GRAMD1B: variants seen among roughly 807,000 people sequenced by gnomAD.
The protein encoded by GRAMD1B is protein Aster-B.
In GRAMD1B, 37 loss-of-function variants were observed where a neutral mutation model predicts 99.7. That is an observed-to-expected ratio of 0.37 (90% CI 0.29 to 0.49). The LOEUF (loss-of-function observed/expected upper bound fraction) is 0.49. Among genes scored for constraint, GRAMD1B ranks in the 20% least tolerant of loss-of-function variants. GRAMD1B has a pLI of 0.98. For synonymous variants in GRAMD1B, 427 were observed against 387.6 expected (o/e 1.10, Z -1.19); for missense variants, 888 against 1,009.2 (o/e 0.88, Z 1.63).
intron 17 of GRAMD1B, 195 bp from the exon 18 acceptor site, chr11:123,618,498 T>C: frequency 2.3e-6 from 2 of 856,112 alleles, no homozygotes; most frequent in South Asian, 2.7e-5. Context: ...TCCATGGCTC[T>C]CCCCTGTATC....
At chr11:123,387,862 G>A (rs796128082) in intron 1 of GRAMD1B, among the ~76,000 whole-genome samples, 4 of 151,970 alleles carry the variant, frequency 2.6e-5, no homozygotes, top group African/African-American at 7.3e-5. Context: ...GGTGGCTCAC[G>A]CCTGTAATCC....
At chr11:123,374,081 G>A (rs1946616483) in intron 1 of GRAMD1B, among the ~76,000 whole-genome samples, 1 of 152,142 alleles carries the variant, frequency 6.6e-6, no homozygotes, top group Non-Finnish European at 1.5e-5. Flanking sequence ...GGTACCTATG[G>A]TTTGATTATT....
intron 5 of GRAMD1B, among the ~76,000 whole-genome samples, 162 bp downstream of exon 5, chr11:123,594,328 C>T (rs115344793): frequency 0.029 from 4,390 of 152,278 alleles, 106 homozygotes; most frequent in African/African-American, 0.067. Context: ...GGGCTCGAGG[C>T]TGAGTATCAG....
chr11:123,529,351 G>T (rs896041368), intron 2 of GRAMD1B, among the ~76,000 whole-genome samples: 6 of 152,226 alleles, frequency 3.9e-5, no homozygotes, highest in African/African-American at 1.4e-4. Flanking sequence ...TCACACAGCT[G>T]TACCTCATGG....
intron 7 of GRAMD1B, chr11:123,599,220 G>T: frequency 2.6e-6 from 2 of 760,680 alleles, no homozygotes; most frequent in South Asian, 2.7e-5. Flanking sequence ...AAATTCCTTG[G>T]GTCCTGAAAT....
chr11:123,560,562 CCCCGCCCCCGCCCCCCACTG>C, intron 2 of GRAMD1B: 1 of 711,794 alleles, frequency 1.4e-6, no homozygotes, highest in Non-Finnish European at 2.2e-6. Context: ...GGCCCCCGCT[CCCCGCCCCCGCCCCCCACTG>C]CCCAATGCAT....
chr11:123,369,562 T>A (rs1348339197), intron 1 of GRAMD1B, among the ~76,000 whole-genome samples: 1 of 152,096 alleles, frequency 6.6e-6, no homozygotes, highest in African/African-American at 2.4e-5. Flanking sequence ...TCAATTTATT[T>A]AATTTTTGTT....
In GRAMD1B at chr11:123,538,918, C is replaced by T. The variant is rs140483627; in HGVS notation, c.453-38449C>T. 6.0e-3 allele frequency among the ~76,000 whole-genome samples: 911 copies of T among 152,116 alleles called. 14 individuals carry two copies. Among genetic ancestry groups the T allele is most frequent in the African/African-American group, 0.021 (862 of 41,486 alleles). ...TGCCGGGATTACAGGTGTGAGCCAC[C>T]GCGCCCAGTTCTGGACTTTAATATG... is the stretch of plus-strand genomic sequence containing the variant. On this transcript the variant is annotated intron_variant, in intron 2 of 19. Coordinates refer to ENST00000635736, the MANE Select transcript of GRAMD1B (RefSeq NM_001387025.1).
At chr11:123,602,668 G>T (rs1354086097) in intron 8 of GRAMD1B, among the ~76,000 whole-genome samples, 1 of 151,964 alleles carries the variant, frequency 6.6e-6, no homozygotes, top group Non-Finnish European at 1.5e-5. Flanking sequence ...ACATCCCTTT[G>T]CCTCTCTCTG....
chr11:123,404,494 A>T (rs1947785616), intron 1 of GRAMD1B, among the ~76,000 whole-genome samples: 1 of 152,216 alleles, frequency 6.6e-6, no homozygotes, highest in South Asian at 2.1e-4. Flanking sequence ...GTAACTGATC[A>T]ATTGTTGTTT....
intron 2 of GRAMD1B, among the ~76,000 whole-genome samples, chr11:123,519,279 G>A (rs749079728): frequency 6.6e-6 from 1 of 152,246 alleles, no homozygotes; most frequent in Non-Finnish European, 1.5e-5. Context: ...AGTGGCAGAG[G>A]GTGGGGAGAG....
At chr11:123,525,980 T>G (rs1942680973) in intron 2 of GRAMD1B, 4 of 617,874 alleles carry the variant, frequency 6.5e-6, no homozygotes, top group Non-Finnish European at 1.2e-5. Flanking sequence ...GTGGCAGCAG[T>G]TCTTCTGGCT....
Position 123,430,723 on chromosome 11 carries a change from A to G in GRAMD1B, c.-70A>G. 1 of 593,922 alleles carries G rather than the reference A, an allele frequency of 1.7e-6. No individual in the cohort carries two copies. The highest frequency in any genetic ancestry group is 2.0e-5 in the South Asian group (1 of 50,038). 36.8% of individuals were successfully genotyped at this position (593,922 alleles called of 1,614,324 possible). On this transcript the variant is annotated 5_prime_UTR_variant, in exon 1 of 20. Coordinates refer to ENST00000635736, the MANE Select transcript of GRAMD1B (RefSeq NM_001387025.1). ...TGTGCCGCGGGGCCGAGGGTGGGGA[A>G]CAGCCAGAGGGAGACGCGAACCAGG...
chr11:123,481,895 C>T (rs769751030), intron 2 of GRAMD1B, among the ~76,000 whole-genome samples: 4 of 152,194 alleles, frequency 2.6e-5, no homozygotes, highest in Middle Eastern at 3.4e-3. Flanking sequence ...CTCTGTTTAT[C>T]GTTTTTATCA....
At chr11:123,530,088 T>A (rs1943197783) in intron 2 of GRAMD1B, among the ~76,000 whole-genome samples, 1 of 152,194 alleles carries the variant, frequency 6.6e-6, no homozygotes, top group African/African-American at 2.4e-5. Context: ...TTCGAGTTTC[T>A]CCATGTTCGA....
At chr11:123,608,333 T>C (rs1235691015) in intron 11 of GRAMD1B, 1 of 640,850 alleles carries the variant, frequency 1.6e-6, no homozygotes, top group Admixed American at 3.0e-5. Flanking sequence ...CCAGAAGTAG[T>C]CATTTATTTG....
chr11:123,603,584 G>A (rs1453274372), intron 9 of GRAMD1B, 43 bp downstream of exon 9: 5 of 1,139,732 alleles, frequency 4.4e-6, no homozygotes, highest in South Asian at 1.2e-5. Flanking sequence ...AGCCGTGCGA[G>A]TGCCTGCAGG....
At chr11:123,460,523 G>A (rs1950361184) in intron 1 of GRAMD1B, 1 of 152,256 alleles carries the variant, frequency 6.6e-6, no homozygotes, top group Admixed American at 6.5e-5. Context: ...GTCAATGCGG[G>A]GATTTCTCCC....
intron 2 of GRAMD1B, among the ~76,000 whole-genome samples, chr11:123,537,678 T>C (rs1304172052): frequency 6.6e-6 from 1 of 152,222 alleles, no homozygotes; most frequent in Non-Finnish European, 1.5e-5. Flanking sequence ...TTCTTTGATA[T>C]AAACAAGCAA....
Sources: gnomAD v4.1 joint callset for allele counts (sites outside exome capture counted in the v4.1 genomes callset) on GRCh38, gnomAD v4.1.1 for gene constraint, MANE v1.5 for transcripts, NCBI Gene and HGNC (gene_info 2026-07-23, HGNC 2026-07-21) for gene names.